RAB2B: variants seen among roughly 807,000 people sequenced by gnomAD.
The protein encoded by RAB2B is ras-related protein Rab-2B.
RAB2B carries 20 observed loss-of-function variants against 29.8 expected under a neutral mutation model. That is an observed-to-expected ratio of 0.67 (90% CI 0.47 to 0.97). RAB2B has a LOEUF of 0.97. Ranked by LOEUF, RAB2B falls within the 50% of genes least tolerant of loss-of-function variation. RAB2B has a pLI of 0.00. For missense variants in RAB2B, 218 were observed against 272.0 expected, an observed-to-expected ratio of 0.80 and a Z score of 1.40; for synonymous variants, 93 against 91.7, an observed-to-expected ratio of 1.01 and a Z score of -0.08.
At chr14:21,466,687 A>C (rs1378800455) in intron 5 of RAB2B, among the ~76,000 whole-genome samples, 5 of 152,232 alleles carry the variant, frequency 3.3e-5, no homozygotes, top group Non-Finnish European at 7.3e-5. Context: ...TTGCAATGTC[A>C]ATATCAGACC....
chr14:21,460,596 AAAAAAAAAAG>A lies in RAB2B; in HGVS notation c.*590_*599del, dbSNP rs1890525233. On this transcript the variant is annotated 3_prime_UTR_variant, in exon 8 of 8. Coordinates refer to ENST00000397762, the MANE Select transcript of RAB2B (RefSeq NM_032846.4). The stretch of plus-strand genomic sequence containing the variant: ...GAGACTCCATCCCCCCAAAAAAAAA[AAAAAAAAAAG>A]AAAAAAAAAATTATTTATTTATTTG... 2.0e-5 allele frequency: 3 copies of A among 150,816 alleles called. No homozygotes were observed. The highest frequency in any genetic ancestry group is 4.3e-5 in the Non-Finnish European group (3 of 69,488). 9.3% of individuals were successfully genotyped at this position (150,816 alleles called of 1,614,324 possible).
intron 2 of RAB2B, 76 bp downstream of exon 2, chr14:21,476,452 G>A: frequency 6.4e-7 from 1 of 1,553,232 alleles, no homozygotes; most frequent in South Asian, 1.1e-5. Flanking sequence ...GAACACTGAA[G>A]GCTGCTAACT....
At chr14:21,461,793 G>C (rs1349512143) in intron 7 of RAB2B, among the ~76,000 whole-genome samples, 1 of 152,164 alleles carries the variant, frequency 6.6e-6, no homozygotes, top group African/African-American at 2.4e-5. Context: ...CGGTCTCAAA[G>C]TCCTGGCTTC....
At chr14:21,475,727 C>G (rs1330721394) in intron 2 of RAB2B, among the ~76,000 whole-genome samples, 1 of 152,204 alleles carries the variant, frequency 6.6e-6, no homozygotes, top group East Asian at 1.9e-4. Context: ...CTTTAAAATA[C>G]CTTTTAGTTG....
At position 21,471,033 on chromosome 14, in the gene RAB2B, C is replaced by T. The variant is rs1016766162; in HGVS notation, c.187-2281G>A. Among the ~76,000 whole-genome samples the T allele has an allele frequency of 9.6e-5, 14 of 146,390 alleles. No homozygotes were observed. In the South Asian group the frequency reaches 3.0e-3, roughly 31 times the overall value. On this transcript the variant is annotated intron_variant, in intron 3 of 7. Transcript: ENST00000397762. Reference sequence around the variant, plus strand: ...AAAAAAAAAAAAAAAAATAGGTGGGCGTGGTGGCGCACGCCTGTAATCCCA... The same window carrying T: ...AAAAAAAAAAAAAAAAATAGGTGGGTGTGGTGGCGCACGCCTGTAATCCCA...
At chr14:21,470,993 CAAAAAAA>C (rs869211285) in intron 3 of RAB2B, among the ~76,000 whole-genome samples, 3 of 98,792 alleles carry the variant, frequency 3.0e-5, no homozygotes, top group Non-Finnish European at 5.8e-5. Flanking sequence ...GCTAAAAATA[CAAAAAAA>C]AAAAAAAAAA....
At chr14:21,475,862 A>G (rs1594418526) in intron 2 of RAB2B, among the ~76,000 whole-genome samples, 1 of 152,164 alleles carries the variant, frequency 6.6e-6, no homozygotes, top group Non-Finnish European at 1.5e-5. Flanking sequence ...AAGAATGGGG[A>G]TGTAGGGGTT....
In RAB2B at chr14:21,459,974, T is replaced by C. The variant is rs1890500577; in HGVS notation, c.*1222A>G. ...ACAGGGAACAAATGTTTTCTTTAGGTAATAATAAGTGGCCACATGTCCCTG... is the reference window on the plus strand; with the variant it reads ...ACAGGGAACAAATGTTTTCTTTAGGCAATAATAAGTGGCCACATGTCCCTG... On this transcript the variant is annotated 3_prime_UTR_variant, in exon 8 of 8. Coordinates refer to ENST00000397762, the MANE Select transcript of RAB2B (RefSeq NM_032846.4). 3.0e-6 allele frequency: 1 copy of C among 337,790 alleles called. No individual in the cohort carries two copies. Among genetic ancestry groups the C allele is most frequent in the Non-Finnish European group, 5.9e-6 (1 of 168,906 alleles). The allele number at this position is 337,790 out of a possible 1,614,324, so 20.9% of individuals were successfully genotyped here.
At chr14:21,472,798 C>G (rs1404679913) in intron 3 of RAB2B, among the ~76,000 whole-genome samples, 1 of 151,038 alleles carries the variant, frequency 6.6e-6, no homozygotes, top group African/African-American at 2.4e-5. Context: ...TTTCATGATC[C>G]AACCATGTCC....
chr14:21,468,733 C>T lies in RAB2B; in HGVS notation c.206G>A (p.Arg69His), dbSNP rs747699476. Residue 69 changes from arginine to histidine, a missense_variant, in exon 4 of 8, where the codon CGT becomes CAT. Physicochemically the swap from Arg to His is conservative, Grantham distance 29. Transcript: ENST00000397762. ...IWDTAGQESF[R>H]SITRSYYRGA... is the part of the protein sequence containing the mutation. ...CCTGTAGTAGGAACGGGTGATAGAA[C>T]GGAAGGATTCTTGCCCAGCCTTTCC... The T allele has an allele frequency of 1.6e-5, 25 of 1,552,042 alleles. No homozygotes were observed. The highest frequency in any genetic ancestry group is 4.0e-5 in the Admixed American group (2 of 49,424).
At chr14:21,474,305 C>T (rs574722759) in intron 3 of RAB2B, among the ~76,000 whole-genome samples, 5 of 152,126 alleles carry the variant, frequency 3.3e-5, no homozygotes, top group Non-Finnish European at 5.9e-5. Context: ...TCCATGACTA[C>T]GCAGTGGTTA....
chr14:21,462,459 G>A (rs1413212771), intron 6 of RAB2B, 41 bp from the exon 7 acceptor site: 2 of 1,501,308 alleles, frequency 1.3e-6, no homozygotes, highest in East Asian at 2.3e-5. Flanking sequence ...TCAAGTTCAG[G>A]TAGAGAAATG....
intron 2 of RAB2B, 66 bp from the exon 3 acceptor site, chr14:21,475,000 T>A: frequency 8.0e-7 from 1 of 1,257,698 alleles, no homozygotes; most frequent in Non-Finnish European, 1.2e-6. Context: ...AGTGGGAGGT[T>A]CCTGCCTTTC....
At chr14:21,467,383 T>C (rs907527619) in intron 5 of RAB2B, among the ~76,000 whole-genome samples, 1 of 152,194 alleles carries the variant, frequency 6.6e-6, no homozygotes, top group Non-Finnish European at 1.5e-5. Context: ...GGTCTTGAAC[T>C]TATGGACTCA....
Position 21,460,708 on chromosome 14 carries a change from G to A in RAB2B, c.*488C>T, listed in dbSNP as rs139949372. On this transcript the variant is annotated 3_prime_UTR_variant, in exon 8 of 8. Transcript: ENST00000397762. ...GGCTTAGCGTAACCTTCACCTCCTGGGTTCAAGCGATTCTCCTGCCTTGGC... is the reference window on the plus strand; with the variant it reads ...GGCTTAGCGTAACCTTCACCTCCTGAGTTCAAGCGATTCTCCTGCCTTGGC... The A allele has an allele frequency of 0.028, 4,285 of 153,010 alleles. 71 individuals carry two copies. Among genetic ancestry groups the A allele is most frequent in the African/African-American group, 0.045 (1,849 of 41,500 alleles). 9.5% of individuals were successfully genotyped at this position (153,010 alleles called of 1,614,324 possible). A position where few individuals can be genotyped will look rare whatever the true frequency, so the allele number is the denominator to read the frequency against.
intron 1 of RAB2B, 69 bp from the exon 2 acceptor site, chr14:21,476,668 A>G (rs1890979679): frequency 6.2e-7 from 1 of 1,613,174 alleles, no homozygotes; most frequent in East Asian, 2.2e-5. Flanking sequence ...GACTTCCCGG[A>G]CCAGAGAAGG....
intron 3 of RAB2B, among the ~76,000 whole-genome samples, chr14:21,470,928 T>C (rs914663435): frequency 7.1e-6 from 1 of 140,678 alleles, no homozygotes; most frequent in African/African-American, 2.7e-5. Context: ...GGCGGGCAGA[T>C]CACGAGGTCA....
Position 21,476,836 on chromosome 14 carries a change from C to T in RAB2B, c.37G>A (p.Gly13Arg), listed in dbSNP as rs1195115863. The T allele has an allele frequency of 5.0e-6, 8 of 1,613,556 alleles. No individual in the cohort carries two copies. Among genetic ancestry groups the T allele is most frequent in the Non-Finnish European group, 6.8e-6 (8 of 1,180,018 alleles). Residue 13 changes from glycine to arginine, a missense_variant, in exon 1 of 8, where the codon GGA (glycine) becomes AGA (arginine). Coordinates refer to ENST00000397762, the MANE Select transcript of RAB2B (RefSeq NM_032846.4). Reference sequence around the variant, plus strand: ...ACCACCTGAGGGTTACCTGTGTCTCCGATGATGATATACTTGAAGAGATAA... The same window carrying T: ...ACCACCTGAGGGTTACCTGTGTCTCTGATGATGATATACTTGAAGAGATAA... Reference protein sequence around the residue: ...YAYLFKYIIIGDTGVGKSCLL... With the variant: ...YAYLFKYIIIRDTGVGKSCLL...
At chr14:21,462,912 A>G (rs1207717000) in intron 6 of RAB2B, among the ~76,000 whole-genome samples, 1 of 152,078 alleles carries the variant, frequency 6.6e-6, no homozygotes, top group Non-Finnish European at 1.5e-5. Context: ...AAAGCCATTA[A>G]GAGTAGTTTC....
Sources: allele counts gnomAD v4.1 joint callset (sites outside exome capture counted in the v4.1 genomes callset), GRCh38; gene constraint gnomAD v4.1.1; transcripts MANE v1.5; gene names NCBI Gene and HGNC (gene_info 2026-07-23, HGNC 2026-07-21).